The following UBR2 variants were observed in gnomAD, a reference collection of about 807,000 sequenced individuals.
The protein encoded by UBR2 is ubiquitin protein ligase E3 component n-recognin 2.
In UBR2, 92 loss-of-function variants were observed where a neutral mutation model predicts 247.9. The observed-to-expected ratio is 0.37, with a 90% CI of 0.31 to 0.44. The LOEUF (loss-of-function observed/expected upper bound fraction) is 0.44, where lower values mean the gene tolerates loss of function less well. UBR2 is among the 20% of genes least tolerant of loss of function. The pLI is 1.00. For missense variants in UBR2, 1,613 were observed against 2,112.6 expected (o/e 0.76, Z 4.64); for synonymous variants, 672 against 693.5 (o/e 0.97, Z 0.49).
chr6:42,600,588 A>G (rs998319636), intron 4 of UBR2, among the ~76,000 whole-genome samples: 3 of 146,212 alleles, frequency 2.1e-5, no homozygotes, highest in African/African-American at 7.8e-5. Flanking sequence ...ATGGCAGAAG[A>G]ATCTGTCTAG....
rs1213885133 is a variant in UBR2 at position 42,631,873 on chromosome 6, TATATATATATATATATAA to T, written c.1282-675_1282-658del. Among the ~76,000 whole-genome samples, 89 of 135,870 alleles carry T rather than the reference TATATATATATATATATAA, an allele frequency of 6.6e-4. 4 individuals carry two copies. Among genetic ancestry groups the T allele is most frequent in the African/African-American group, 2.0e-3 (71 of 34,724 alleles). 89.1% of individuals were successfully genotyped at this position (135,870 alleles called of 152,430 possible). ...TATACTCTGATTTTATATATATATA[TATATATATATATATATAA>T]ATACAGGTTCTGTAATTATATATAT... On this transcript the variant is annotated intron_variant, in intron 11 of 46. Coordinates refer to ENST00000372901, the MANE Select transcript of UBR2 (RefSeq NM_001363705.2).
chr6:42,667,368 A>G (rs1582691808), intron 34 of UBR2, among the ~76,000 whole-genome samples: 1 of 151,404 alleles, frequency 6.6e-6, no homozygotes, highest in East Asian at 1.9e-4. Flanking sequence ...AAAAACTTCA[A>G]TCTTCTGTCT....
intron 2 of UBR2, among the ~76,000 whole-genome samples, chr6:42,580,630 C>G (rs1403605701): frequency 6.6e-6 from 1 of 152,072 alleles, no homozygotes; most frequent in African/African-American, 2.4e-5. Context: ...GCCTCCGCCT[C>G]CTGGGTTCAA....
intron 34 of UBR2, among the ~76,000 whole-genome samples, chr6:42,668,780 G>A (rs1798265284): frequency 6.6e-6 from 1 of 151,952 alleles, no homozygotes; most frequent in Non-Finnish European, 1.5e-5. Flanking sequence ...GTTCTATGTT[G>A]TCCAGGTTGG....
intron 5 of UBR2, among the ~76,000 whole-genome samples, chr6:42,605,404 G>T (rs1793637022): frequency 6.6e-6 from 1 of 152,174 alleles, no homozygotes; most frequent in Admixed American, 6.5e-5. Context: ...ATTGCCCCCA[G>T]TTGAGAGCTA....
chr6:42,652,654 G>A lies in UBR2; in HGVS notation c.2769+9G>A, dbSNP rs1283749232. The A allele has an allele frequency of 6.9e-6, 11 of 1,603,518 alleles. No homozygotes were observed. The highest frequency in any genetic ancestry group is 8.5e-6 in the Non-Finnish European group (10 of 1,177,474). ...AGTCCATGCTGCAAAGGGTAGGTTT[G>A]AAGACATTTATTATTTATATTTTAG... On this transcript the variant is annotated intron_variant, in intron 25 of 46. Transcript: ENST00000372901.
chr6:42,572,756 C>T (rs180857337), intron 1 of UBR2, among the ~76,000 whole-genome samples: 1 of 150,678 alleles, frequency 6.6e-6, no homozygotes, highest in African/African-American at 2.4e-5. Flanking sequence ...CTTGCTCTGT[C>T]GCCCAGGCTG....
At chr6:42,592,374 AGGGTGCCAG>A in intron 3 of UBR2, 145 bp downstream of exon 3, 1 of 541,548 alleles carries the variant, frequency 1.8e-6, no homozygotes, top group Non-Finnish European at 3.0e-6. Context: ...CATTGGATAT[AGGGTGCCAG>A]TGTAGAAACA....
In UBR2 at chr6:42,692,457, C is replaced by T. The variant is rs76718898; in HGVS notation, c.*1284C>T. On this transcript the variant is annotated 3_prime_UTR_variant, in exon 47 of 47. Coordinates refer to ENST00000372901, the MANE Select transcript of UBR2 (RefSeq NM_001363705.2). ...CAAAATAGCTTATAATTATTATGTA[C>T]CACACAACTACTATTGTTTGATGTA... is the stretch of plus-strand genomic sequence containing the variant. 3.3e-4 allele frequency: 50 copies of T among 152,222 alleles called. 1 individual carries two copies. In the East Asian group the frequency reaches 8.7e-3, roughly 26 times the overall value. The allele number at this position is 152,222 out of a possible 1,614,324, so 9.4% of individuals were successfully genotyped here.
In UBR2 at chr6:42,689,457, T is replaced by G. The variant is rs1171425669; in HGVS notation, c.5025-112T>G. On this transcript the variant is annotated intron_variant, in intron 45 of 46. Coordinates refer to ENST00000372901, the MANE Select transcript of UBR2 (RefSeq NM_001363705.2). The surrounding 1 kb of genome is among the most constrained non-coding windows in gnomAD (Gnocchi z 4.0). ...CACAATTTTTTAATGGATAACTTCC[T>G]CCTAATAGTGGTTTAAATATCAGTA... 9.6e-7 allele frequency: 1 copy of G among 1,043,372 alleles called. No individual in the cohort carries two copies. Among genetic ancestry groups the G allele is most frequent in the East Asian group, 2.4e-5 (1 of 41,214 alleles). The allele number at this position is 1,043,372 out of a possible 1,614,324, so 64.6% of individuals were successfully genotyped here. A position where few individuals can be genotyped will look rare whatever the true frequency, so the allele number is the denominator to read the frequency against.
At position 42,658,650 on chromosome 6, in the gene UBR2, C is replaced by G; in HGVS notation, c.3068C>G (p.Ser1023Ter). The G allele has an allele frequency of 6.2e-7, 1 of 1,601,182 alleles. No homozygotes were observed. Among genetic ancestry groups the G allele is most frequent in the Non-Finnish European group, 8.5e-7 (1 of 1,176,340 alleles). The change falls in exon 29 of 47, where the codon TCA becomes TGA. Residue 1023 changes from serine to a stop codon, truncating the protein, a stop_gained. Transcript: ENST00000372901. LOFTEE classifies it high-confidence loss of function. Reference sequence around the variant, plus strand: ...TTGAATGGAGCATAATTTCAGAGTTCAAGGGACAAAGACAAAGCTGAGAGG... The same window carrying G: ...TTGAATGGAGCATAATTTCAGAGTTGAAGGGACAAAGACAAAGCTGAGAGG... ...ETEGTIMEES[S>*]RDKDKAERKR...
intron 26 of UBR2, among the ~76,000 whole-genome samples, chr6:42,656,027 T>G (rs2151970281): frequency 6.6e-6 from 1 of 152,322 alleles, no homozygotes; most frequent in Admixed American, 6.5e-5. Flanking sequence ...GAAATGTGAC[T>G]TTTTAAAAGA....
At chr6:42,604,643 A>G (rs543426883) in intron 5 of UBR2, among the ~76,000 whole-genome samples, 1 of 152,270 alleles carries the variant, frequency 6.6e-6, no homozygotes, top group Non-Finnish European at 1.5e-5. Context: ...CGTACAATTC[A>G]TTCTCTACAC....
intron 34 of UBR2, among the ~76,000 whole-genome samples, chr6:42,668,097 ATCT>A (rs1051968631): frequency 6.6e-6 from 1 of 151,936 alleles, no homozygotes; most frequent in African/African-American, 2.4e-5. Flanking sequence ...CTGTCCGATG[ATCT>A]TCTGTTGCTA....
intron 29 of UBR2, 21 bp downstream of exon 29, chr6:42,658,845 A>T (rs961840025): frequency 1.4e-6 from 2 of 1,454,112 alleles, no homozygotes; most frequent in East Asian, 5.0e-5. Flanking sequence ...AAAAAAAAAA[A>T]ATTAATGTCT....
At chr6:42,656,056 A>G (rs1416890334) in intron 26 of UBR2, among the ~76,000 whole-genome samples, 1 of 152,192 alleles carries the variant, frequency 6.6e-6, no homozygotes, top group Admixed American at 6.5e-5. Flanking sequence ...GAGTTTTTCT[A>G]GCTTTTTATT....
Position 42,574,257 on chromosome 6 carries a change from C to A in UBR2, c.338+264C>A, listed in dbSNP as rs77909727. Among the ~76,000 whole-genome samples, 266 of 152,288 alleles carry A rather than the reference C, an allele frequency of 1.7e-3. 6 individuals carry two copies. In the East Asian group the frequency reaches 0.043, roughly 25 times the overall value. On this transcript the variant is annotated intron_variant, in intron 2 of 46. Coordinates refer to ENST00000372901, the MANE Select transcript of UBR2 (RefSeq NM_001363705.2). The stretch of plus-strand genomic sequence containing the variant: ...TAATTAACTGACATCTTGACTCTTG[C>A]AATAATCACTTTCTTGCTTTTCTTG...
intron 8 of UBR2, among the ~76,000 whole-genome samples, chr6:42,614,635 C>T (rs1380820630): frequency 6.6e-6 from 1 of 152,030 alleles, no homozygotes; most frequent in Non-Finnish European, 1.5e-5. Context: ...TAATAAAATG[C>T]ATTGCTATAT....
Position 42,678,756 on chromosome 6 carries a change from T to A in UBR2, c.4609+87T>A, listed in dbSNP as rs1309557768. ...AAAGATCACTTGCAAAAATGAAAAT[T>A]GACTAAAAGTTCAAAGAATAGCTTA... On this transcript the variant is annotated intron_variant, in intron 41 of 46. Coordinates refer to ENST00000372901, the MANE Select transcript of UBR2 (RefSeq NM_001363705.2). 2.8e-6 allele frequency: 4 copies of A among 1,453,330 alleles called. No individual in the cohort carries two copies. The African/African-American group carries it at 5.7e-5, about 21-fold the overall frequency. 90.0% of individuals were successfully genotyped at this position (1,453,330 alleles called of 1,614,324 possible). A position where few individuals can be genotyped will look rare whatever the true frequency, so the allele number is the denominator to read the frequency against.
Sources: gnomAD v4.1 joint callset for allele counts (sites outside exome capture counted in the v4.1 genomes callset) on GRCh38, gnomAD v4.1.1 for gene constraint, Gnocchi (gnomAD v3.1) non-coding constraint, MANE v1.5 for transcripts, NCBI Gene and HGNC (gene_info 2026-07-23, HGNC 2026-07-21) for gene names.